RAPGEF1: variants seen among roughly 807,000 people sequenced by gnomAD.
RAPGEF1 encodes CRK SH3-binding GNRP.
RAPGEF1 carries 33 observed loss-of-function variants against 143.3 expected under a neutral mutation model. That is an observed-to-expected ratio of 0.23 (90% CI 0.17 to 0.31). The LOEUF is 0.31. Ranked by LOEUF, RAPGEF1 falls within the 10% of genes least tolerant of loss-of-function variation. RAPGEF1 has a pLI of 1.00. For synonymous variants in RAPGEF1, 629 were observed against 676.5 expected (o/e 0.93, Z 1.09); for missense variants, 1,199 against 1,645.4 (o/e 0.73, Z 4.69).
At chr9:131,659,692 T>C (rs1286621059) in intron 1 of RAPGEF1, among the ~76,000 whole-genome samples, 1 of 152,206 alleles carries the variant, frequency 6.6e-6, no homozygotes, top group African/African-American at 2.4e-5. Flanking sequence ...ACCTGATATA[T>C]AGCAAATACT....
At chr9:131,722,216 C>T (rs1836317120) in intron 1 of RAPGEF1, among the ~76,000 whole-genome samples, 1 of 152,186 alleles carries the variant, frequency 6.6e-6, no homozygotes. Context: ...AGGTGGCGCT[C>T]CCACTCACAC....
chr9:131,669,664 T>C (rs1329768982), intron 1 of RAPGEF1, among the ~76,000 whole-genome samples: 1 of 152,088 alleles, frequency 6.6e-6, no homozygotes, highest in Non-Finnish European at 1.5e-5. Flanking sequence ...CACCCAAGCA[T>C]GCAGAGGGCT....
rs912981556 is a variant in RAPGEF1 at position 131,579,534 on chromosome 9, A to T, written c.3755T>A (p.Ile1252Lys). ...ELSLKIKPRN[I>K]TRRKTDREEK... ...TTCCCGGTCTGTTTTTCTCCTTGTT[A>T]TGTTCCTGGGTTTAATTTTCAGAGA... is the stretch of plus-strand genomic sequence containing the variant. Residue 1252 changes from isoleucine (I) to lysine (K), a missense_variant, in exon 27 of 27, where the codon ATA (isoleucine) becomes AAA (lysine). Physicochemically the swap from Ile to Lys is moderately radical, Grantham distance 102 (BLOSUM62 -3). Coordinates refer to ENST00000683357, the MANE Select transcript of RAPGEF1 (RefSeq NM_001377935.1). 1 of 1,613,914 alleles carries T rather than the reference A, an allele frequency of 6.2e-7. No homozygotes were observed.
chr9:131,642,176 C>T (rs913721043), intron 4 of RAPGEF1, among the ~76,000 whole-genome samples: 3 of 152,228 alleles, frequency 2.0e-5, no homozygotes, highest in African/African-American at 7.2e-5. Flanking sequence ...GGACAAGCTG[C>T]TAGCTAACCT....
rs1972376982 is a variant in RAPGEF1, at chr9:131,655,992, G to A, written c.62-5043C>T. 6.6e-6 allele frequency among the ~76,000 whole-genome samples: 1 copy of A among 152,204 alleles called. No individual in the cohort carries two copies. Among genetic ancestry groups the A allele is most frequent in the African/African-American group, 2.4e-5 (1 of 41,448 alleles). On this transcript the variant is annotated intron_variant, in intron 1 of 26. Transcript: ENST00000683357. The surrounding 1 kb of genome is among the most constrained non-coding windows in gnomAD (Gnocchi z 4.1). ...TTCCCTTATTTTGTCTGGAAAATGA[G>A]TGAGATAACATTATATTTCTTGAGA...
intron 1 of RAPGEF1, among the ~76,000 whole-genome samples, chr9:131,657,843 A>G (rs1445919695): frequency 6.6e-6 from 1 of 152,204 alleles, no homozygotes; most frequent in African/African-American, 2.4e-5. Flanking sequence ...TTTTCAGGAT[A>G]GTTTATATCG....
At chr9:131,594,473 C>G (rs1422630601) in intron 17 of RAPGEF1, among the ~76,000 whole-genome samples, 2 of 152,194 alleles carry the variant, frequency 1.3e-5, no homozygotes, top group Non-Finnish European at 2.9e-5. Flanking sequence ...AAAGCACCCC[C>G]ACACGGCCTC....
At chr9:131,732,822 G>A (rs894606777) in intron 1 of RAPGEF1, among the ~76,000 whole-genome samples, 6 of 152,310 alleles carry the variant, frequency 3.9e-5, no homozygotes, top group African/African-American at 7.2e-5. Context: ...AGCACCTATT[G>A]CGTTCAAGGC....
chr9:131,716,474 C>T (rs539741137), intron 1 of RAPGEF1, among the ~76,000 whole-genome samples: 1 of 152,160 alleles, frequency 6.6e-6, no homozygotes. Flanking sequence ...GCTTCTTAAA[C>T]CCCTGATGTG....
chr9:131,735,495 C>G (rs193278073), intron 1 of RAPGEF1, among the ~76,000 whole-genome samples: 1 of 152,178 alleles, frequency 6.6e-6, no homozygotes, highest in Non-Finnish European at 1.5e-5. Context: ...GCAGGCAGCA[C>G]GACATCTGCT....
At chr9:131,709,924 T>C (rs1175559763) in intron 1 of RAPGEF1, 1 of 985,466 alleles carries the variant, frequency 1.0e-6, no homozygotes. Flanking sequence ...GTTATCGCCC[T>C]ACCGGTGCCT....
chr9:131,594,921 GA>G (rs765620644), intron 17 of RAPGEF1, among the ~76,000 whole-genome samples: 51 of 152,336 alleles, frequency 3.3e-4, no homozygotes, highest in Non-Finnish European at 6.3e-4. Flanking sequence ...GGACAAAAAG[GA>G]AATGAAAGTC....
intron 18 of RAPGEF1, among the ~76,000 whole-genome samples, chr9:131,590,550 G>C (rs975479836): frequency 6.6e-6 from 1 of 152,216 alleles, no homozygotes; most frequent in African/African-American, 2.4e-5. Flanking sequence ...TCAAGCACCC[G>C]ATCAGCTCTA....
At chr9:131,692,931 G>T (rs1402255297) in intron 1 of RAPGEF1, among the ~76,000 whole-genome samples, 3 of 152,198 alleles carry the variant, frequency 2.0e-5, no homozygotes, top group Non-Finnish European at 4.4e-5. Flanking sequence ...AAAACAGGTA[G>T]ATTCCCCATC....
intron 5 of RAPGEF1, 113 bp from the exon 6 acceptor site, chr9:131,630,437 C>G: frequency 1.0e-6 from 1 of 993,664 alleles, no homozygotes; most frequent in Non-Finnish European, 1.5e-6. Context: ...TCTGTGCCTA[C>G]AGATTCCCCA....
intron 1 of RAPGEF1, among the ~76,000 whole-genome samples, chr9:131,673,146 G>C (rs1178270563): frequency 2.0e-5 from 3 of 152,122 alleles, no homozygotes; most frequent in Non-Finnish European, 4.4e-5. Flanking sequence ...GAGTGGGGTG[G>C]GTCAGAATGA....
intron 11 of RAPGEF1, 54 bp from the exon 12 acceptor site, chr9:131,619,260 G>A: frequency 7.9e-7 from 1 of 1,271,070 alleles, no homozygotes; most frequent in Admixed American, 2.3e-5. Flanking sequence ...GAGAAGCAGA[G>A]AACAGTCAGG....
At chr9:131,638,005 T>G (rs1215797501) in intron 5 of RAPGEF1, among the ~76,000 whole-genome samples, 1 of 152,240 alleles carries the variant, frequency 6.6e-6, no homozygotes, top group Non-Finnish European at 1.5e-5. Context: ...CAAAGGCCCT[T>G]ACCTGGTTCA....
At chr9:131,684,785 G>T (rs1252165642) in intron 1 of RAPGEF1, among the ~76,000 whole-genome samples, 1 of 152,218 alleles carries the variant, frequency 6.6e-6, no homozygotes, top group Non-Finnish European at 1.5e-5. Context: ...AGCCGATTTG[G>T]ATACCATCAA....
Sources: allele counts gnomAD v4.1 joint callset (sites outside exome capture counted in the v4.1 genomes callset), GRCh38; gene constraint gnomAD v4.1.1; non-coding constraint Gnocchi (gnomAD v3.1); transcripts MANE v1.5; gene names NCBI Gene and HGNC (gene_info 2026-07-23, HGNC 2026-07-21).